The following SNTG1 variants were observed in gnomAD, a reference collection of about 807,000 sequenced individuals.
SNTG1 encodes the protein gamma-1-syntrophin.
Under a neutral mutation model 74.7 loss-of-function variants are expected in SNTG1, and 39 were observed. The observed-to-expected ratio is 0.52, with a 90% CI of 0.40 to 0.68. The LOEUF (loss-of-function observed/expected upper bound fraction) is 0.68, where lower values mean the gene tolerates loss of function less well. Among genes scored for constraint, SNTG1 ranks in the 30% least tolerant of loss-of-function variants. The pLI, the probability that SNTG1 is intolerant of heterozygous loss-of-function variation, is 0.00. For synonymous variants in SNTG1, 254 were observed against 217.1 expected (o/e 1.17, Z -1.49); for missense variants, 685 against 609.5 (o/e 1.12, Z -1.30).
chr8:50,786,661 A>C (rs1190553483), intron 18 of SNTG1, among the ~76,000 whole-genome samples: 1 of 151,952 alleles, frequency 6.6e-6, no homozygotes, highest in Non-Finnish European at 1.5e-5. Context: ...GAACACTGGA[A>C]TACAATTGAG....
chr8:50,299,340 C>T (rs1387758434), intron 2 of SNTG1, among the ~76,000 whole-genome samples: 1 of 152,024 alleles, frequency 6.6e-6, no homozygotes, highest in Non-Finnish European at 1.5e-5. Context: ...CCTTCTCTTC[C>T]TCCTCATTAT....
At chr8:50,766,338 A>G (rs1487842659) in intron 18 of SNTG1, among the ~76,000 whole-genome samples, 5 of 152,046 alleles carry the variant, frequency 3.3e-5, no homozygotes, top group Admixed American at 3.3e-4. Context: ...ATGGTTTCTT[A>G]CAGTATTTCA....
intron 13 of SNTG1, among the ~76,000 whole-genome samples, chr8:50,646,383 C>T (rs2095109279): frequency 6.6e-6 from 1 of 152,102 alleles, no homozygotes; most frequent in Non-Finnish European, 1.5e-5. Flanking sequence ...ATTTGCATTT[C>T]CAATAGGTTC....
intron 1 of SNTG1, among the ~76,000 whole-genome samples, chr8:50,149,882 T>C (rs982391177): frequency 6.6e-6 from 1 of 152,198 alleles, no homozygotes; most frequent in Non-Finnish European, 1.5e-5. Context: ...GCGGGTTCTT[T>C]TTTGGTTCCA....
chr8:49,980,998 C>T (rs1812629455), intron 1 of SNTG1, among the ~76,000 whole-genome samples: 1 of 152,142 alleles, frequency 6.6e-6, no homozygotes, highest in African/African-American at 2.4e-5. Context: ...TTCTGAGCCC[C>T]ATGCACACAG....
intron 16 of SNTG1, chr8:50,708,068 G>A: frequency 4.2e-6 from 1 of 235,932 alleles, no homozygotes; most frequent in Non-Finnish European, 8.1e-6. Flanking sequence ...AGGCACGGTG[G>A]CGGGCGACTG....
intron 1 of SNTG1, among the ~76,000 whole-genome samples, chr8:49,953,029 TA>T (rs1172078635): frequency 6.6e-6 from 1 of 152,192 alleles, no homozygotes; most frequent in Non-Finnish European, 1.5e-5. Context: ...TACATGAGTA[TA>T]GGGCTCTGAG....
chr8:50,540,081 C>T (rs1239415758), intron 11 of SNTG1, among the ~76,000 whole-genome samples: 1 of 152,120 alleles, frequency 6.6e-6, no homozygotes, highest in Non-Finnish European at 1.5e-5. Flanking sequence ...TAGCTGTTCA[C>T]CTCACAGGGG....
chr8:50,792,843 T>A lies in SNTG1; in HGVS notation c.*14T>A, dbSNP rs753281977. On this transcript the variant is annotated 3_prime_UTR_variant, in exon 19 of 19. Coordinates refer to ENST00000642720, the MANE Select transcript of SNTG1 (RefSeq NM_018967.5). ...TATACAACTTGACATACTGAACTCT[T>A]CATTGACACACCCCATGACTGTATA... 1 of 1,609,880 alleles carries A rather than the reference T, an allele frequency of 6.2e-7. No homozygotes were observed. The highest frequency in any genetic ancestry group is 1.1e-5 in the South Asian group (1 of 90,692).
intron 18 of SNTG1, among the ~76,000 whole-genome samples, chr8:50,763,648 TTGTGTGTGTGTGTGTGTGTG>T (rs141415804): frequency 1.7e-5 from 2 of 117,096 alleles, no homozygotes; most frequent in South Asian, 3.4e-4. Flanking sequence ...ATTGCCTTTA[TTGTGTGTGTGTGTGTGTGTG>T]TGTGTGTGTG....
chr8:50,515,296 G>T (rs576458584), intron 9 of SNTG1, among the ~76,000 whole-genome samples: 1 of 151,634 alleles, frequency 6.6e-6, no homozygotes, highest in Non-Finnish European at 1.5e-5. Context: ...GTTCCATAAC[G>T]GCATTATGTG....
chr8:50,300,932 G>T (rs887747412), intron 2 of SNTG1, among the ~76,000 whole-genome samples: 9 of 152,122 alleles, frequency 5.9e-5, no homozygotes, highest in African/African-American at 2.2e-4. Flanking sequence ...TGAGTAGTAA[G>T]AGAGCTATAT....
At position 50,601,152 on chromosome 8, in the gene SNTG1, C is replaced by CAA. The variant is rs71235311; in HGVS notation, c.849+10266_849+10267dup. 8.6e-3 allele frequency among the ~76,000 whole-genome samples: 270 copies of CAA among 31,472 alleles called. 37 individuals are homozygous for CAA. The highest frequency in any genetic ancestry group is 0.017 in the African/African-American group (86 of 5,082). The allele number at this position is 31,472 out of a possible 152,430, so 20.6% of individuals were successfully genotyped here. ...CAGCCTGGTGACAGAGCCAGCGAGA[C>CAA]AAAAAAAAAAAAAAAAAAAAAAAAA... On this transcript the variant is annotated intron_variant, in intron 13 of 18. Transcript: ENST00000642720.
chr8:50,550,693 G>GTGTATATATATATA (rs1554571332), intron 11 of SNTG1, among the ~76,000 whole-genome samples: 84 of 149,096 alleles, frequency 5.6e-4, no homozygotes, highest in African/African-American at 2.0e-3. Context: ...TAGTGTGTGT[G>GTGTATATATATATA]TATATATATA....
intron 9 of SNTG1, among the ~76,000 whole-genome samples, chr8:50,526,573 T>C (rs1186923530): frequency 6.6e-6 from 1 of 152,158 alleles, no homozygotes; most frequent in Non-Finnish European, 1.5e-5. Context: ...TTCCACCATC[T>C]TTCTGAACTT....
At chr8:49,993,331 T>G (rs1813863710) in intron 1 of SNTG1, among the ~76,000 whole-genome samples, 1 of 150,254 alleles carries the variant, frequency 6.7e-6, no homozygotes, top group Non-Finnish European at 1.5e-5. Context: ...TAGCTTTTAT[T>G]TAAAAATTTT....
rs151163647 is a variant in SNTG1 at position 50,290,050 on chromosome 8, C to G, written c.-27-104162C>G. On this transcript the variant is annotated intron_variant, in intron 2 of 18. Transcript: ENST00000642720. ...GTTATTTTCAACTTGAAGGATTCTT[C>G]AGTTCCTTCAGTGCCAGCAGGATTC... 1.6e-4 allele frequency among the ~76,000 whole-genome samples: 24 copies of G among 152,244 alleles called. No individual in the cohort carries two copies. The East Asian group carries it at 3.7e-3, about 23-fold the overall frequency.
chr8:50,408,106 T>C (rs946371440), intron 4 of SNTG1, among the ~76,000 whole-genome samples: 2 of 152,164 alleles, frequency 1.3e-5, no homozygotes, highest in African/African-American at 2.4e-5. Flanking sequence ...TAGGAAACAA[T>C]GCCTAGGTGC....
At chr8:50,464,770 A>C (rs1224529906) in intron 8 of SNTG1, among the ~76,000 whole-genome samples, 1 of 151,798 alleles carries the variant, frequency 6.6e-6, no homozygotes, top group African/African-American at 2.4e-5. Context: ...AAACCAAAAA[A>C]CAAAAAACAC....
Sources: allele counts gnomAD v4.1 joint callset (sites outside exome capture counted in the v4.1 genomes callset), GRCh38; gene constraint gnomAD v4.1.1; transcripts MANE v1.5; gene names NCBI Gene and HGNC (gene_info 2026-07-23, HGNC 2026-07-21).